REV3L: variants seen among roughly 807,000 people sequenced by gnomAD.
The protein encoded by REV3L is REV3 like, DNA directed polymerase zeta catalytic subunit.
Under a neutral mutation model 299.4 loss-of-function variants are expected in REV3L, and 69 were observed. That is an observed-to-expected ratio of 0.23 (90% CI 0.19 to 0.28). REV3L has a LOEUF of 0.28. REV3L is among the 10% of genes least tolerant of loss of function. The probability of loss-of-function intolerance (pLI) is 1.00; values close to 1 mark genes in which losing one functional copy is unlikely to be tolerated. For missense variants in REV3L, 3,128 were observed against 3,693.8 expected, an observed-to-expected ratio of 0.85 and a Z score of 3.97; for synonymous variants, 1,238 against 1,271.4, an observed-to-expected ratio of 0.97 and a Z score of 0.56.
At chr6:111,458,687 C>T (rs1405854187) in intron 1 of REV3L, among the ~76,000 whole-genome samples, 1 of 151,802 alleles carries the variant, frequency 6.6e-6, no homozygotes, top group African/African-American at 2.4e-5. Flanking sequence ...TTTACAAGAG[C>T]CACAAAAACA....
intron 2 of REV3L, chr6:111,411,870 A>T: frequency 1.9e-6 from 1 of 526,846 alleles, no homozygotes; most frequent in African/African-American, 2.1e-5. Flanking sequence ...AATCTCAAAC[A>T]TCAAGACTCT....
chr6:111,475,200 A>T (rs527996953), intron 1 of REV3L, among the ~76,000 whole-genome samples: 1 of 152,202 alleles, frequency 6.6e-6, no homozygotes, highest in African/African-American at 2.4e-5. Context: ...TTCTCTCATT[A>T]TTTTTAAAGG....
intron 9 of REV3L, among the ~76,000 whole-genome samples, chr6:111,385,860 A>G (rs756108194): frequency 1.8e-4 from 28 of 152,214 alleles, no homozygotes; most frequent in Non-Finnish European, 3.4e-4. Flanking sequence ...GCTCAAATTC[A>G]TTAGTAATTA....
chr6:111,363,789 T>C, intron 16 of REV3L, 64 bp downstream of exon 16: 1 of 1,538,518 alleles, frequency 6.5e-7, no homozygotes, highest in Admixed American at 2.0e-5. Context: ...CCATACTTGT[T>C]TTATAGAATA....
intron 1 of REV3L, among the ~76,000 whole-genome samples, chr6:111,473,383 A>G (rs949346066): frequency 1.3e-5 from 2 of 152,036 alleles, no homozygotes; most frequent in African/African-American, 2.4e-5. Flanking sequence ...TTCTAATCCA[A>G]TCAAAAGCAA....
intron 1 of REV3L, among the ~76,000 whole-genome samples, chr6:111,460,916 C>A (rs944190724): frequency 6.6e-6 from 1 of 151,990 alleles, no homozygotes; most frequent in Admixed American, 6.6e-5. Context: ...CATTGTAGTA[C>A]GATGAGTTAC....
chr6:111,313,051 T>C (rs1245576135), intron 28 of REV3L: 7 of 241,350 alleles, frequency 2.9e-5, no homozygotes, highest in Middle Eastern at 1.2e-3. Context: ...AAATTCTAGC[T>C]ACTCAGGAGG....
chr6:111,353,175 A>G (rs1777751384), intron 18 of REV3L, among the ~76,000 whole-genome samples: 1 of 152,192 alleles, frequency 6.6e-6, no homozygotes, highest in Non-Finnish European at 1.5e-5. Flanking sequence ...GTACTAGACT[A>G]ATTTACTGAT....
rs17539148 is a variant in REV3L, at chr6:111,457,139, C to T, written c.139+25611G>A. 8.8e-3 allele frequency among the ~76,000 whole-genome samples: 1,339 copies of T among 151,986 alleles called. 23 individuals carry two copies. Among genetic ancestry groups the T allele is most frequent in the African/African-American group, 0.031 (1,278 of 41,504 alleles). On this transcript the variant is annotated intron_variant, in intron 1 of 31. Transcript: ENST00000368802. ...CAGAAAAAAAAATTATTGTTAATTC[C>T]TTAATTGTACTGTACCTCAAGTCTA...
intron 24 of REV3L, among the ~76,000 whole-genome samples, chr6:111,330,593 A>T (rs1031781603): frequency 5.9e-5 from 9 of 152,036 alleles, no homozygotes; most frequent in African/African-American, 4.8e-5. Context: ...ATGCAAGTTT[A>T]AAAAAAAGCT....
chr6:111,472,039 A>G, intron 1 of REV3L: 1 of 1,201,784 alleles, frequency 8.3e-7, no homozygotes, highest in Non-Finnish European at 1.1e-6. Context: ...CAATTTTGAG[A>G]GAAATCTTCC....
At chr6:111,429,222 C>T (rs1269891588) in intron 1 of REV3L, among the ~76,000 whole-genome samples, 2 of 152,028 alleles carry the variant, frequency 1.3e-5, no homozygotes, top group South Asian at 2.1e-4. Flanking sequence ...CTATGTTGAC[C>T]ATGCTGGTTT....
chr6:111,344,783 C>T (rs1016531584), intron 20 of REV3L, among the ~76,000 whole-genome samples: 2 of 152,140 alleles, frequency 1.3e-5, no homozygotes, highest in African/African-American at 2.4e-5. Context: ...AGGTCAGTTT[C>T]GGATTCAGAA....
At chr6:111,458,675 C>T (rs1195781089) in intron 1 of REV3L, among the ~76,000 whole-genome samples, 1 of 151,988 alleles carries the variant, frequency 6.6e-6, no homozygotes, top group African/African-American at 2.4e-5. Context: ...AACACAATTC[C>T]ATTTACAAGA....
intron 30 of REV3L, 150 bp downstream of exon 30, chr6:111,309,703 C>G: frequency 2.4e-6 from 2 of 818,712 alleles, no homozygotes; most frequent in Non-Finnish European, 3.6e-6. Flanking sequence ...CCCAGCACTT[C>G]CCCTCCCGCT....
chr6:111,436,273 T>G (rs899755083), intron 1 of REV3L, among the ~76,000 whole-genome samples: 27 of 152,204 alleles, frequency 1.8e-4, no homozygotes, highest in Admixed American at 1.5e-3. Flanking sequence ...AATTCCACTT[T>G]TGAATATAAA....
At chr6:111,427,962 A>G (rs939795217) in intron 1 of REV3L, among the ~76,000 whole-genome samples, 1 of 152,000 alleles carries the variant, frequency 6.6e-6, no homozygotes, top group Non-Finnish European at 1.5e-5. Flanking sequence ...TTCATTGGAC[A>G]TGAACCTCTA....
chr6:111,482,304 C>T (rs570514187), intron 1 of REV3L, among the ~76,000 whole-genome samples: 1 of 152,200 alleles, frequency 6.6e-6, no homozygotes, highest in Non-Finnish European at 1.5e-5. Flanking sequence ...GCTGACACTT[C>T]CCCGTTTCCA....
chr6:111,448,786 ATT>A (rs367755463), intron 1 of REV3L, among the ~76,000 whole-genome samples: 9 of 133,536 alleles, frequency 6.7e-5, no homozygotes, highest in South Asian at 2.4e-4. Flanking sequence ...ACACTTGGCT[ATT>A]TTTTTTTTTT....
Sources: gnomAD v4.1 joint callset for allele counts (sites outside exome capture counted in the v4.1 genomes callset) on GRCh38, gnomAD v4.1.1 for gene constraint, MANE v1.5 for transcripts, NCBI Gene and HGNC (gene_info 2026-07-23, HGNC 2026-07-21) for gene names.